The following IFNL1 variants were observed in gnomAD, a reference collection of about 807,000 sequenced individuals.
The protein encoded by IFNL1 is interferon lambda 1.
In IFNL1, 16 loss-of-function variants were observed where a neutral mutation model predicts 17.1. That is an observed-to-expected ratio of 0.93 (90% confidence interval 0.63 to 1.42). The LOEUF (loss-of-function observed/expected upper bound fraction) is 1.42. Among genes scored for constraint, IFNL1 ranks in the 40% most tolerant of loss-of-function variants. The pLI, the probability that IFNL1 is intolerant of heterozygous loss-of-function variation, is 0.00. For missense variants in IFNL1, 262 were observed against 249.4 expected (o/e 1.05, Z -0.34); for synonymous variants, 104 against 111.4 (o/e 0.93, Z 0.42).
At chr19:39,297,696 C>A (rs1170535697) in intron 2 of IFNL1, among the ~76,000 whole-genome samples, 1 of 151,672 alleles carries the variant, frequency 6.6e-6, no homozygotes, top group South Asian at 2.1e-4. Flanking sequence ...CCCGTCCCCA[C>A]CCCGCCCCAG....
At position 39,298,215 on chromosome 19, in the gene IFNL1, C is replaced by T. The variant is rs946945438; in HGVS notation, c.396C>T (p.Ile132=). The T allele has an allele frequency of 2.5e-6, 4 of 1,614,060 alleles. No individual in the cohort carries two copies. The highest frequency in any genetic ancestry group is 3.4e-6 in the Non-Finnish European group (4 of 1,179,976). Residue 132 remains isoleucine (I), a splice_region_variant and synonymous_variant, in exon 4 of 5, where the codon ATC becomes ATT. Coordinates refer to ENST00000333625, the MANE Select transcript of IFNL1 (RefSeq NM_172140.2). ...ACACCGCCCTCTTCTGCCCACAGAT[C>T]CAGCCTCAGCCCACAGCAGGGCCCA... ...HHILSQLQAC[I]QPQPTAGPRP...
chr19:39,298,599 CT>C lies in IFNL1; in HGVS notation c.*84del. On this transcript the variant is annotated 3_prime_UTR_variant, in exon 5 of 5. Coordinates refer to ENST00000333625, the MANE Select transcript of IFNL1 (RefSeq NM_172140.2). ...ACCCTTTATTTATGAAGCTGCAGCC[CT>C]GACTGAGACATAGGGCTGAGTTTAT... The C allele has an allele frequency of 6.6e-7, 1 of 1,516,584 alleles. No individual in the cohort carries two copies. Among genetic ancestry groups the C allele is most frequent in the Non-Finnish European group, 9.1e-7 (1 of 1,104,326 alleles). 93.9% of individuals were successfully genotyped at this position (1,516,584 alleles called of 1,614,324 possible).
intron 3 of IFNL1, 51 bp from the exon 4 acceptor site, chr19:39,298,162 C>G (rs961749436): frequency 4.5e-5 from 73 of 1,613,190 alleles, no homozygotes; most frequent in Non-Finnish European, 5.8e-5. Flanking sequence ...AGCATCCTTC[C>G]CCTGTGGTGG....
In IFNL1 at chr19:39,296,802, T is replaced by A; in HGVS notation, c.172-3T>A. On this transcript the variant is annotated splice_region_variant and splice_polypyrimidine_tract_variant and intron_variant, in intron 1 of 4. Transcript: ENST00000333625. ...TGGGCTAACCCCTGCCCTTGCTCTC[T>A]AGGAAGAGTCACTCAAGCTGAAAAA... The A allele has an allele frequency of 6.2e-7, 1 of 1,613,592 alleles. No individual in the cohort carries two copies. The highest frequency in any genetic ancestry group is 1.1e-5 in the South Asian group (1 of 91,070).
Position 39,298,288 on chromosome 19 carries a change from C to G in IFNL1, c.469C>G (p.Pro157Ala). 1 of 1,614,122 alleles carries G rather than the reference C, an allele frequency of 6.2e-7. No individual in the cohort carries two copies. Residue 157 changes from proline (P) to alanine (A), a missense_variant, in exon 4 of 5, where the codon CCC becomes GCC. Physicochemically the swap from Pro to Ala is conservative, Grantham distance 27. Coordinates refer to ENST00000333625, the MANE Select transcript of IFNL1 (RefSeq NM_172140.2). ...HHWLHRLQEAPKKESAGCLEA... is the reference protein window; with the variant it reads ...HHWLHRLQEAAKKESAGCLEA... ...CTGGCTGCACCGGCTCCAGGAGGCC[C>G]CCAAAAAGGTGAGTGACCCAGGAAG...
chr19:39,297,387 C>G (rs568550669), intron 2 of IFNL1, among the ~76,000 whole-genome samples: 26 of 139,406 alleles, frequency 1.9e-4, no homozygotes, highest in African/African-American at 6.7e-4. Flanking sequence ...GGCATGATCT[C>G]GGTTCACTGC....
In IFNL1 at chr19:39,296,610, T is replaced by C. The variant is rs373233011; in HGVS notation, c.171+18T>C. On this transcript the variant is annotated intron_variant, in intron 1 of 4. Transcript: ENST00000333625. ...ACGCCTTGGTGAGTTCCTGTTGCTGTGGATGAACCACTTCTACGGGTGTCC... is the reference window on the plus strand; with the variant it reads ...ACGCCTTGGTGAGTTCCTGTTGCTGCGGATGAACCACTTCTACGGGTGTCC... 1.0e-5 allele frequency: 16 copies of C among 1,603,340 alleles called. No individual in the cohort carries two copies. In the East Asian group the frequency reaches 3.6e-4, roughly 36 times the overall value.
rs1222916639 is a variant in IFNL1 at position 39,298,376 on chromosome 19, C to T, written c.478-15C>T. On this transcript the variant is annotated splice_polypyrimidine_tract_variant and intron_variant, in intron 4 of 4. Coordinates refer to ENST00000333625, the MANE Select transcript of IFNL1 (RefSeq NM_172140.2). ...ACCCTGGACAGCCCCTGACCCATCC[C>T]CTCCTCCCCTACAGGAGTCCGCTGG... The T allele has an allele frequency of 6.2e-7, 1 of 1,614,092 alleles. No individual in the cohort carries two copies. The highest frequency in any genetic ancestry group is 1.3e-5 in the African/African-American group (1 of 74,930).
At position 39,298,481 on chromosome 19, in the gene IFNL1, T is replaced by C; in HGVS notation, c.568T>C (p.Cys190Arg). 1.2e-6 allele frequency: 2 copies of C among 1,614,184 alleles called. No individual in the cohort carries two copies. Among genetic ancestry groups the C allele is most frequent in the East Asian group, 2.2e-5 (1 of 44,880 alleles). ...DLKYVADGNL[C>R]LRTSTHPEST The stretch of plus-strand genomic sequence containing the variant: ...CAAATATGTGGCCGATGGGAACCTG[T>C]GTCTGAGAACGTCAACCCACCCTGA... The change falls in exon 5 of 5, where the codon TGT becomes CGT. Residue 190 changes from cysteine (C) to arginine (R), a missense_variant. By Grantham distance (180) the Cys-to-Arg change is radical. Transcript: ENST00000333625.
rs747031775 is a variant in IFNL1, at chr19:39,296,879, C to T, written c.246C>T (p.Leu82=). Reference sequence around the variant, plus strand: ...CCGGGAATTGGGACCTGAGGCTTCTCCAGGTGAGCTGAAAGTCAGGCCCCC... The same window carrying T: ...CCGGGAATTGGGACCTGAGGCTTCTTCAGGTGAGCTGAAAGTCAGGCCCCC... ...VFPGNWDLRL[L]QVRERPVALE... The change falls in exon 2 of 5, where the codon CTC becomes CTT. Residue 82 remains leucine (L), a synonymous_variant. Transcript: ENST00000333625. The T allele has an allele frequency of 7.4e-6, 12 of 1,612,968 alleles. No homozygotes were observed. The highest frequency in any genetic ancestry group is 1.3e-5 in the African/African-American group (1 of 74,896).
Position 39,298,488 on chromosome 19 carries a change from G to A in IFNL1, c.575G>A (p.Arg192Lys). ...KYVADGNLCL[R>K]TSTHPEST ...GTGGCCGATGGGAACCTGTGTCTGA[G>A]AACGTCAACCCACCCTGAGTCCACC... The change falls in exon 5 of 5, where the codon AGA becomes AAA. Residue 192 changes from arginine (R) to lysine (K), a missense_variant. By Grantham distance (26) the Arg-to-Lys change is conservative (BLOSUM62 2). Coordinates refer to ENST00000333625, the MANE Select transcript of IFNL1 (RefSeq NM_172140.2). 10 of 1,614,156 alleles carry A rather than the reference G, an allele frequency of 6.2e-6. No homozygotes were observed. Among genetic ancestry groups the A allele is most frequent in the Non-Finnish European group, 8.5e-6 (10 of 1,180,030 alleles).
At chr19:39,298,367 G>T in intron 4 of IFNL1, 24 bp from the exon 5 acceptor site, 1 of 1,614,144 alleles carries the variant, frequency 6.2e-7, no homozygotes, top group Non-Finnish European at 8.5e-7. Flanking sequence ...GACAGCCCCT[G>T]ACCCATCCCC....
Position 39,298,214 on chromosome 19 carries a change from TC to T in IFNL1, c.397del (p.Gln133SerfsTer59), listed in dbSNP as rs1381118537. 5.6e-6 allele frequency: 9 copies of T among 1,613,906 alleles called. No individual in the cohort carries two copies. The highest frequency in any genetic ancestry group is 7.6e-6 in the Non-Finnish European group (9 of 1,179,932). On this transcript the variant is annotated frameshift_variant and splice_region_variant, in exon 4 of 5. Coordinates refer to ENST00000333625, the MANE Select transcript of IFNL1 (RefSeq NM_172140.2). LOFTEE classifies it high-confidence loss of function. ...CACACCGCCCTCTTCTGCCCACAGA[TC>T]CAGCCTCAGCCCACAGCAGGGCCCA... is the stretch of plus-strand genomic sequence containing the variant. ...HHILSQLQAC[I>X]QPQPTAGPRP... is the part of the protein sequence containing the mutation.
At position 39,296,518 on chromosome 19, in the gene IFNL1, G is replaced by T. The variant is rs891089876; in HGVS notation, c.97G>T (p.Gly33Cys). Reference protein sequence around the residue: ...PTSKPTTTGKGCHIGRFKSLS... With the variant: ...PTSKPTTTGKCCHIGRFKSLS... The stretch of plus-strand genomic sequence containing the variant: ...TTCCAAGCCCACCACAACTGGGAAG[G>T]GCTGCCACATTGGCAGGTTCAAATC... The change falls in exon 1 of 5, where the codon GGC (glycine) becomes TGC (cysteine). Residue 33 changes from glycine (G) to cysteine (C), a missense_variant. Gly to Cys is a radical substitution (Grantham distance 159). Transcript: ENST00000333625. The T allele has an allele frequency of 1.2e-6, 2 of 1,613,814 alleles. No individual in the cohort carries two copies. Among genetic ancestry groups the T allele is most frequent in the Non-Finnish European group, 1.7e-6 (2 of 1,180,026 alleles).
In IFNL1 at chr19:39,298,117, T is replaced by C. The variant is rs1281964964; in HGVS notation, c.393+10T>C. On this transcript the variant is annotated intron_variant, in intron 3 of 4. Coordinates refer to ENST00000333625, the MANE Select transcript of IFNL1 (RefSeq NM_172140.2). ...CCAGCTCCAGGCCTGTGTGAGTCCTTGGGGCCCGGGCACCCAGGTCTGTGG... is the reference window on the plus strand; with the variant it reads ...CCAGCTCCAGGCCTGTGTGAGTCCTCGGGGCCCGGGCACCCAGGTCTGTGG... The C allele has an allele frequency of 3.7e-6, 6 of 1,612,758 alleles. No homozygotes were observed. The African/African-American group carries it at 5.3e-5, about 14-fold the overall frequency.
chr19:39,298,344 A>G, intron 4 of IFNL1, 47 bp from the exon 5 acceptor site: 1 of 1,613,854 alleles, frequency 6.2e-7, no homozygotes, highest in Non-Finnish European at 8.5e-7. Flanking sequence ...AGCCAATAGG[A>G]GCCCAGACCC....
At chr19:39,297,880 C>G in intron 2 of IFNL1, 84 bp from the exon 3 acceptor site, 1 of 1,555,180 alleles carries the variant, frequency 6.4e-7, no homozygotes, top group Middle Eastern at 2.0e-4. Flanking sequence ...TGTCACCGAC[C>G]TTCCCCAGGA....
rs1275869168 is a variant in IFNL1, at chr19:39,298,260, C to G, written c.441C>G (p.His147Gln). 2 of 1,614,020 alleles carry G rather than the reference C, an allele frequency of 1.2e-6. 1 individual carries two copies. The highest frequency in any genetic ancestry group is 1.7e-6 in the Non-Finnish European group (2 of 1,180,018). The stretch of plus-strand genomic sequence containing the variant: ...GGCCCAGGCCCCGGGGCCGCCTCCA[C>G]CACTGGCTGCACCGGCTCCAGGAGG... The part of the protein sequence containing the change: ...TAGPRPRGRL[H>Q]HWLHRLQEAP... The change falls in exon 4 of 5, where the codon CAC becomes CAG. Residue 147 changes from histidine to glutamine, a missense_variant. Transcript: ENST00000333625.
At chr19:39,296,691 T>A in intron 1 of IFNL1, 99 bp downstream of exon 1, 1 of 1,486,420 alleles carries the variant, frequency 6.7e-7, no homozygotes, top group Non-Finnish European at 9.2e-7. Flanking sequence ...ATGGCAAACC[T>A]CTATCCTTTC....
Sources: allele counts gnomAD v4.1 joint callset (sites outside exome capture counted in the v4.1 genomes callset), GRCh38; gene constraint gnomAD v4.1.1; transcripts MANE v1.5; gene names NCBI Gene and HGNC (gene_info 2026-07-23, HGNC 2026-07-21).